Variants in EHD4 observed in about 807,000 individuals in gnomAD.
EHD4 encodes the protein EH domain containing 4.
EHD4 carries 37 observed loss-of-function variants against 51.0 expected under a neutral mutation model. That is an observed-to-expected ratio of 0.73 (90% confidence interval 0.56 to 0.95). The LOEUF is 0.95. EHD4 is among the 40% of genes least tolerant of loss of function. EHD4 has a pLI of 0.00. For missense variants in EHD4, 632 were observed against 733.1 expected, an observed-to-expected ratio of 0.86 and a Z score of 1.59; for synonymous variants, 297 against 317.3, an observed-to-expected ratio of 0.94 and a Z score of 0.68.
intron 3 of EHD4, among the ~76,000 whole-genome samples, chr15:41,931,691 T>G (rs1595537415): frequency 6.6e-6 from 1 of 151,924 alleles, no homozygotes; most frequent in Non-Finnish European, 1.5e-5. Flanking sequence ...TTTTTTTTTT[T>G]TTTGAGACGG....
intron 3 of EHD4, among the ~76,000 whole-genome samples, chr15:41,930,719 G>C (rs1040397318): frequency 6.6e-6 from 1 of 152,138 alleles, no homozygotes; most frequent in African/African-American, 2.4e-5. Flanking sequence ...CAGCTAACCA[G>C]CTCCTCAAGC....
chr15:41,917,096 C>CCTATTTAT (rs1555380305), intron 4 of EHD4, among the ~76,000 whole-genome samples: 2 of 141,788 alleles, frequency 1.4e-5, no homozygotes, highest in Admixed American at 1.4e-4. Context: ...CTTTCTGCTC[C>CCTATTTAT]TTATTTATTT....
rs749108456 is a variant in EHD4 at position 41,972,249 on chromosome 15, G to T, written c.236+10C>A. On this transcript the variant is annotated intron_variant, in intron 1 of 5. Coordinates refer to ENST00000220325, the MANE Select transcript of EHD4 (RefSeq NM_139265.4). Reference sequence around the variant, plus strand: ...CGGGGCGGGAGCCGGGCGAGGGGCGGTGACGGTACCTGATGAAGGTGGTCT... The same window carrying T: ...CGGGGCGGGAGCCGGGCGAGGGGCGTTGACGGTACCTGATGAAGGTGGTCT... 6.5e-7 allele frequency: 1 copy of T among 1,541,596 alleles called. No individual in the cohort carries two copies. The highest frequency in any genetic ancestry group is 2.7e-5 in the East Asian group (1 of 37,520).
rs1410699283 is a variant in EHD4 at position 41,900,729 on chromosome 15, C to T, written c.1542G>A (p.Lys514=). ...TGCTGGGCAGCTCGTAGCCGTCGAG[C>T]TTGATCTTGATGAGGTGCTTGGCCA... is the stretch of plus-strand genomic sequence containing the variant. ...FALAKHLIKI[K]LDGYELPSSL... Residue 514 remains lysine, a synonymous_variant, in exon 6 of 6, where the codon AAG becomes AAA. Coordinates refer to ENST00000220325, the MANE Select transcript of EHD4 (RefSeq NM_139265.4). The surrounding 1 kb of genome is among the most constrained non-coding windows in gnomAD (Gnocchi z 4.8). 1.9e-6 allele frequency: 3 copies of T among 1,612,860 alleles called. No homozygotes were observed. The highest frequency in any genetic ancestry group is 8.5e-7 in the Non-Finnish European group (1 of 1,179,994).
chr15:41,936,849 T>C (rs1329968891), intron 3 of EHD4, among the ~76,000 whole-genome samples: 1 of 152,170 alleles, frequency 6.6e-6, no homozygotes, highest in Non-Finnish European at 1.5e-5. Flanking sequence ...GATGCGTTTG[T>C]CAAAACTTCC....
chr15:41,900,354 T>C lies in EHD4; in HGVS notation c.*291A>G, dbSNP rs2067467254. The C allele has an allele frequency of 7.6e-6, 3 of 395,974 alleles. No individual in the cohort carries two copies. The highest frequency in any genetic ancestry group is 1.4e-5 in the Non-Finnish European group (3 of 217,808). 24.5% of individuals were successfully genotyped at this position (395,974 alleles called of 1,614,324 possible). ...CTGGGACTTACCAGGCCCACCCCCATGCGCATTTCTCCAGGCAGGTTCTGA... is the reference window on the plus strand; with the variant it reads ...CTGGGACTTACCAGGCCCACCCCCACGCGCATTTCTCCAGGCAGGTTCTGA... On this transcript the variant is annotated 3_prime_UTR_variant, in exon 6 of 6. Transcript: ENST00000220325. The surrounding 1 kb of genome is among the most constrained non-coding windows in gnomAD (Gnocchi z 4.8).
intron 1 of EHD4, among the ~76,000 whole-genome samples, chr15:41,958,131 G>A (rs1323169520): frequency 6.6e-6 from 1 of 151,816 alleles, no homozygotes; most frequent in African/African-American, 2.4e-5. Flanking sequence ...AGAGGACACA[G>A]GAAGACCACC....
At chr15:41,911,540 G>A (rs547103713) in intron 4 of EHD4, among the ~76,000 whole-genome samples, 3 of 152,276 alleles carry the variant, frequency 2.0e-5, no homozygotes, top group African/African-American at 7.2e-5. Flanking sequence ...GAGCTGCCAC[G>A]TTCCATCAGG....
At chr15:41,916,381 A>G (rs1286368801) in intron 4 of EHD4, among the ~76,000 whole-genome samples, 1 of 152,172 alleles carries the variant, frequency 6.6e-6, no homozygotes, top group Non-Finnish European at 1.5e-5. Context: ...TCGGGGACAT[A>G]ACTTCACCTT....
chr15:41,972,236 CG>C, intron 1 of EHD4, 22 bp downstream of exon 1: 1 of 1,516,922 alleles, frequency 6.6e-7, no homozygotes, highest in Non-Finnish European at 8.9e-7. Flanking sequence ...GGGCGGGAGC[CG>C]GGCGAGGGGC....
At chr15:41,948,527 T>C (rs188586578) in intron 2 of EHD4, among the ~76,000 whole-genome samples, 15 of 152,206 alleles carry the variant, frequency 9.9e-5, no homozygotes, top group Non-Finnish European at 1.8e-4. Flanking sequence ...TGAACCACAA[T>C]ACACATGCAC....
chr15:41,946,420 T>C (rs1013260405), intron 2 of EHD4, among the ~76,000 whole-genome samples: 1 of 151,726 alleles, frequency 6.6e-6, no homozygotes, highest in African/African-American at 2.4e-5. Flanking sequence ...CTGCTAGGAG[T>C]CCTGCCACAC....
chr15:41,943,910 G>A (rs986052902), intron 2 of EHD4, among the ~76,000 whole-genome samples: 1 of 152,246 alleles, frequency 6.6e-6, no homozygotes, highest in Non-Finnish European at 1.5e-5. Flanking sequence ...GAGTCTAGGG[G>A]AGCTGGAGAG....
intron 3 of EHD4, among the ~76,000 whole-genome samples, chr15:41,940,341 G>T (rs1333078694): frequency 6.6e-6 from 1 of 152,240 alleles, no homozygotes; most frequent in Non-Finnish European, 1.5e-5. Context: ...GGCAAAGGTG[G>T]GGCTGTGGTC....
chr15:41,962,929 T>C (rs1036709197), intron 1 of EHD4, among the ~76,000 whole-genome samples: 19 of 152,250 alleles, frequency 1.2e-4, no homozygotes, highest in Non-Finnish European at 2.4e-4. Flanking sequence ...CATAGGAGAC[T>C]GCATTTTGTT....
chr15:41,950,970 C>T (rs915509559), intron 2 of EHD4, among the ~76,000 whole-genome samples: 1 of 152,170 alleles, frequency 6.6e-6, no homozygotes, highest in African/African-American at 2.4e-5. Context: ...TCTTCATCAT[C>T]ATTACTGGAG....
intron 4 of EHD4, among the ~76,000 whole-genome samples, chr15:41,911,845 C>G (rs574655223): frequency 3.3e-5 from 5 of 152,154 alleles, no homozygotes; most frequent in Non-Finnish European, 7.4e-5. Context: ...GCCCTCACCA[C>G]GTACTAGTAA....
At chr15:41,937,871 A>G (rs753819822) in intron 3 of EHD4, among the ~76,000 whole-genome samples, 32 of 152,164 alleles carry the variant, frequency 2.1e-4, no homozygotes, top group Non-Finnish European at 1.5e-5. Context: ...TGGGTTGAGT[A>G]AACCTTATCC....
rs540322393 is a variant in EHD4, at chr15:41,937,438, G to A, written c.511+5629C>T. 1.5e-3 allele frequency among the ~76,000 whole-genome samples: 232 copies of A among 152,312 alleles called. 1 individual carries two copies. Among genetic ancestry groups the A allele is most frequent in the African/African-American group, 4.3e-3 (180 of 41,564 alleles). ...CTTCGTCTCAGTTTGTCTGCACGCT[G>A]GCCTACAGCGCCCTGCCTTGGCTGG... On this transcript the variant is annotated intron_variant, in intron 3 of 5. Transcript: ENST00000220325.
Sources: allele counts gnomAD v4.1 joint callset (sites outside exome capture counted in the v4.1 genomes callset), GRCh38; gene constraint gnomAD v4.1.1; non-coding constraint Gnocchi (gnomAD v3.1); transcripts MANE v1.5; gene names NCBI Gene and HGNC (gene_info 2026-07-23, HGNC 2026-07-21).